Variants in CPED1 observed in about 807,000 individuals in gnomAD.
CPED1 encodes the protein cadherin like and PC-esterase domain containing 1, also known as cadherin-like and PC-esterase domain-containing protein 1.
Under a neutral mutation model 128.2 loss-of-function variants are expected in CPED1, and 114 were observed. The observed-to-expected ratio is 0.89, with a 90% CI of 0.76 to 1.04. CPED1 has a LOEUF of 1.04. CPED1 is among the 50% of genes least tolerant of loss of function. The pLI is 0.00. For missense variants in CPED1, 1,211 were observed against 1,207.1 expected (o/e 1.00, Z -0.05); for synonymous variants, 462 against 426.7 (o/e 1.08, Z -1.02).
chr7:121,174,992 C>A (rs925070217), intron 16 of CPED1, among the ~76,000 whole-genome samples: 9 of 151,960 alleles, frequency 5.9e-5, no homozygotes, highest in Admixed American at 4.6e-4. Context: ...ATTGTGAATG[C>A]GATTGTGCTC....
intron 5 of CPED1, among the ~76,000 whole-genome samples, chr7:121,074,509 G>GTTTTTTTTTTTTTTTTTTTTTTTTTTT (rs1157885862): frequency 3.7e-5 from 3 of 80,838 alleles, no homozygotes; most frequent in African/African-American, 1.4e-4. Context: ...TTTCCTTTGT[G>GTTTTTTTTTTTTTTTTTTTTTTTTTTT]TTTTTTTTTT....
chr7:120,994,645 G>T (rs1302765965), intron 2 of CPED1, among the ~76,000 whole-genome samples: 2 of 139,720 alleles, frequency 1.4e-5, no homozygotes, highest in Non-Finnish European at 3.1e-5. Context: ...GTGTGTGTGT[G>T]TGTGTGTGTG....
chr7:121,033,348 G>A (rs1005657599), intron 3 of CPED1, among the ~76,000 whole-genome samples: 11 of 152,132 alleles, frequency 7.2e-5, no homozygotes, highest in Non-Finnish European at 1.5e-4. Context: ...TAAATAATAG[G>A]CTGGCAAGAC....
intron 16 of CPED1, among the ~76,000 whole-genome samples, chr7:121,209,797 A>G (rs1353432610): frequency 6.6e-6 from 1 of 152,074 alleles, no homozygotes; most frequent in Non-Finnish European, 1.5e-5. Context: ...AAAGGAAACA[A>G]TAATCAAAGT....
intron 5 of CPED1, among the ~76,000 whole-genome samples, chr7:121,070,753 G>T (rs952855883): frequency 3.3e-5 from 5 of 152,044 alleles, no homozygotes; most frequent in Admixed American, 6.6e-5. Context: ...GTCCAAATCA[G>T]CAGTCTCTCA....
chr7:121,140,004 C>CA (rs1237649503), intron 14 of CPED1, among the ~76,000 whole-genome samples: 38 of 152,000 alleles, frequency 2.5e-4, no homozygotes, highest in Non-Finnish European at 1.5e-5. Flanking sequence ...CTTTGAAAAA[C>CA]ACTTTGTTAA....
chr7:121,264,943 C>T (rs568127202), intron 18 of CPED1, among the ~76,000 whole-genome samples: 4 of 152,086 alleles, frequency 2.6e-5, no homozygotes, highest in African/African-American at 9.6e-5. Context: ...AAAAAAGATG[C>T]AGACACAAAA....
At chr7:121,232,843 T>C (rs952830286) in intron 16 of CPED1, among the ~76,000 whole-genome samples, 1 of 152,112 alleles carries the variant, frequency 6.6e-6, no homozygotes, top group Admixed American at 6.6e-5. Context: ...AGGGAAGAAT[T>C]CTTTCATCTC....
At chr7:121,130,017 T>G in intron 11 of CPED1, 108 bp from the exon 12 acceptor site, 1 of 969,958 alleles carries the variant, frequency 1.0e-6, no homozygotes, top group Non-Finnish European at 1.5e-6. Flanking sequence ...AATGGATTTT[T>G]AACAAATATC....
At chr7:121,011,594 G>C (rs1465573363) in intron 2 of CPED1, among the ~76,000 whole-genome samples, 1 of 152,050 alleles carries the variant, frequency 6.6e-6, no homozygotes, top group Non-Finnish European at 1.5e-5. Flanking sequence ...CTGTTTTTAG[G>C]CTGGGAAAGC....
intron 22 of CPED1, among the ~76,000 whole-genome samples, chr7:121,293,325 CA>C: frequency 6.6e-6 from 1 of 152,272 alleles, no homozygotes; most frequent in East Asian, 1.9e-4. Context: ...ACTGCCTACT[CA>C]AGCCTCAGTA....
intron 16 of CPED1, among the ~76,000 whole-genome samples, chr7:121,200,032 T>G (rs1285223248): frequency 1.3e-5 from 2 of 152,222 alleles, no homozygotes; most frequent in South Asian, 2.1e-4. Context: ...TTTCAAGTGC[T>G]CAGTAGGTTA....
chr7:121,122,472 G>T (rs1795414414), intron 7 of CPED1, among the ~76,000 whole-genome samples: 1 of 151,990 alleles, frequency 6.6e-6, no homozygotes, highest in Non-Finnish European at 1.5e-5. Flanking sequence ...AATAAAAGGA[G>T]CTGACATGTA....
At chr7:121,045,713 C>T (rs553840475) in intron 3 of CPED1, among the ~76,000 whole-genome samples, 1 of 152,166 alleles carries the variant, frequency 6.6e-6, no homozygotes, top group African/African-American at 2.4e-5. Context: ...GACTGATCAA[C>T]AAAAGAGAGA....
At chr7:121,267,326 G>A in intron 21 of CPED1, 24 bp downstream of exon 21, 1 of 1,396,292 alleles carries the variant, frequency 7.2e-7, no homozygotes, top group African/African-American at 1.4e-5. Flanking sequence ...CTCTGGGCTA[G>A]GTGAATTTCA....
In CPED1 at chr7:121,098,769, T is replaced by A. The variant is rs7456213; in HGVS notation, c.749+938T>A. 8.7e-3 allele frequency among the ~76,000 whole-genome samples: 106 copies of A among 12,164 alleles called. 3 individuals carry two copies. Among genetic ancestry groups the A allele is most frequent in the African/African-American group, 0.021 (99 of 4,762 alleles). The allele number at this position is 12,164 out of a possible 152,430, so 8.0% of individuals were successfully genotyped here. A position where few individuals can be genotyped will look rare whatever the true frequency, so the allele number is the denominator to read the frequency against. On this transcript the variant is annotated intron_variant, in intron 6 of 22. Transcript: ENST00000310396. ...AAAAATATATAAAAATATATATAAA[T>A]ATATATATATAAAAATATATAAAAA... is the stretch of plus-strand genomic sequence containing the variant.
intron 16 of CPED1, among the ~76,000 whole-genome samples, chr7:121,164,296 A>G (rs1303589752): frequency 6.6e-6 from 1 of 152,136 alleles, no homozygotes; most frequent in Non-Finnish European, 1.5e-5. Flanking sequence ...TTCACTTCTT[A>G]AGTTTCATCT....
chr7:121,217,032 A>G (rs1797774423), intron 16 of CPED1, among the ~76,000 whole-genome samples: 1 of 151,740 alleles, frequency 6.6e-6, no homozygotes, highest in South Asian at 2.1e-4. Context: ...TCCCTAATTG[A>G]GAGGTTGCAC....
chr7:121,097,826 A>AC lies in CPED1; in HGVS notation c.745dup (p.Gln249ProfsTer4). On this transcript the variant is annotated frameshift_variant, in exon 6 of 23. Coordinates refer to ENST00000310396, the MANE Select transcript of CPED1 (RefSeq NM_024913.5). LOFTEE classifies it high-confidence loss of function. ...GGAAACCAGGGGACTGGAGTCGTGA[A>AC]CAGCTGTAAGCTAATCATTTTGAAT... The AC allele has an allele frequency of 6.2e-7, 1 of 1,613,730 alleles. No individual in the cohort carries two copies.
Sources: allele counts gnomAD v4.1 joint callset (sites outside exome capture counted in the v4.1 genomes callset), GRCh38; gene constraint gnomAD v4.1.1; transcripts MANE v1.5; gene names NCBI Gene and HGNC (gene_info 2026-07-23, HGNC 2026-07-21).